The following ZBTB43 variants were observed in gnomAD, a reference collection of about 807,000 sequenced individuals.
ZBTB43 encodes zinc finger and BTB domain-containing protein 43.
In ZBTB43, 6 loss-of-function variants were observed where a neutral mutation model predicts 31.1. That is an observed-to-expected ratio of 0.19 (90% CI 0.11 to 0.38). ZBTB43 has a LOEUF of 0.38. Ranked by LOEUF, ZBTB43 falls within the 10% of genes least tolerant of loss-of-function variation. The pLI is 1.00. For missense variants in ZBTB43, 379 were observed against 602.1 expected (o/e 0.63, Z 3.88); for synonymous variants, 212 against 221.7 (o/e 0.96, Z 0.39).
intron 2 of ZBTB43, among the ~76,000 whole-genome samples, chr9:126,819,568 AC>A (rs2119135965): frequency 6.6e-6 from 1 of 151,980 alleles, no homozygotes; most frequent in African/African-American, 2.4e-5. Flanking sequence ...TACTCCACTG[AC>A]CCACCATTCC....
chr9:126,823,276 A>G (rs1446044459), intron 2 of ZBTB43, among the ~76,000 whole-genome samples: 2 of 152,050 alleles, frequency 1.3e-5, no homozygotes, highest in Non-Finnish European at 2.9e-5. Flanking sequence ...TACTTCATAT[A>G]TTTTAGAGTT....
rs558905564 is a variant in ZBTB43, at chr9:126,826,589, G to T, written c.-23-5898G>T. Among the ~76,000 whole-genome samples, 8 of 143,864 alleles carry T rather than the reference G, an allele frequency of 5.6e-5. No individual in the cohort carries two copies. The East Asian group carries it at 1.6e-3, about 28-fold the overall frequency. The allele number at this position is 143,864 out of a possible 152,430, so 94.4% of individuals were successfully genotyped here. A position where few individuals can be genotyped will look rare whatever the true frequency, so the allele number is the denominator to read the frequency against. On this transcript the variant is annotated intron_variant, in intron 2 of 2. Transcript: ENST00000373464. The stretch of plus-strand genomic sequence containing the variant: ...CGCCATTCTCCCACATCAGCCTCCC[G>T]AGTAGCTGGGACTACAGGCGCCCGC...
At chr9:126,804,471 GTTTT>G (rs61669496), upstream of ZBTB43, among the ~76,000 whole-genome samples, 2,521 of 151,354 alleles carry the variant, frequency 0.017, 73 homozygotes, top group African/African-American at 0.059. Context: ...AGGTCAAGGT[GTTTT>G]TGTTTGTTTT....
chr9:126,810,492 CG>C (rs2032221529), intron 2 of ZBTB43, among the ~76,000 whole-genome samples: 1 of 131,774 alleles, frequency 7.6e-6, no homozygotes, highest in Non-Finnish European at 1.6e-5. Flanking sequence ...TGTGCCCAGC[CG>C]TCTTTTTTTT....
At chr9:126,822,103 G>C (rs933661276) in intron 2 of ZBTB43, among the ~76,000 whole-genome samples, 1 of 151,330 alleles carries the variant, frequency 6.6e-6, no homozygotes. Context: ...GTGCTCGCCC[G>C]CCTGGGCCTC....
intron 2 of ZBTB43, among the ~76,000 whole-genome samples, chr9:126,819,546 GT>G (rs1307445015): frequency 8.6e-5 from 13 of 152,032 alleles, no homozygotes; most frequent in African/African-American, 3.1e-4. Flanking sequence ...GTCAATAAAT[GT>G]GTGTTCTGAC....
chr9:126,827,611 A>G (rs1344958279), intron 2 of ZBTB43, among the ~76,000 whole-genome samples: 1 of 152,236 alleles, frequency 6.6e-6, no homozygotes, highest in African/African-American at 2.4e-5. Context: ...GTATTGGTGG[A>G]GGAACCAACC....
chr9:126,826,483 A>G (rs2032642154), intron 2 of ZBTB43, among the ~76,000 whole-genome samples: 2 of 9,318 alleles, frequency 2.1e-4, no homozygotes, highest in African/African-American at 3.7e-4. Context: ...TTTTTTTTTG[A>G]GACAGAATCT....
intron 2 of ZBTB43, among the ~76,000 whole-genome samples, chr9:126,815,529 G>C (rs1046949561): frequency 3.3e-5 from 5 of 150,746 alleles, no homozygotes; most frequent in Non-Finnish European, 7.4e-5. Flanking sequence ...TTTATTTTGG[G>C]TAAGTTTTTG....
At chr9:126,810,224 C>T (rs1208504110) in intron 2 of ZBTB43, among the ~76,000 whole-genome samples, 5 of 151,600 alleles carry the variant, frequency 3.3e-5, no homozygotes, top group East Asian at 3.9e-4. Flanking sequence ...GATGGAGTCT[C>T]GCTCTTGTTG....
rs1313821017 is a variant in ZBTB43 at position 126,838,143 on chromosome 9, C to T, written c.*4230C>T. The T allele has an allele frequency of 6.0e-6, 1 of 165,910 alleles. No homozygotes were observed. The highest frequency in any genetic ancestry group is 1.5e-5 in the Non-Finnish European group (1 of 68,102). 10.3% of individuals were successfully genotyped at this position (165,910 alleles called of 1,614,324 possible). A position where few individuals can be genotyped will look rare whatever the true frequency, so the allele number is the denominator to read the frequency against. On this transcript the variant is annotated 3_prime_UTR_variant, in exon 3 of 3. Coordinates refer to ENST00000373464, the MANE Select transcript of ZBTB43 (RefSeq NM_014007.4). ...GAATGTTAATGTTTAATATTTTCTT[C>T]TTATAGAAGAGATCATGCCCTTTTG...
At chr9:126,826,038 A>G (rs2032627302) in intron 2 of ZBTB43, among the ~76,000 whole-genome samples, 3 of 125,128 alleles carry the variant, frequency 2.4e-5, no homozygotes, top group South Asian at 2.6e-4. Flanking sequence ...TTTGAGATGA[A>G]GTTTCGCTCT....
At chr9:126,830,216 T>TG (rs1422947919) in intron 2 of ZBTB43, among the ~76,000 whole-genome samples, 3 of 152,148 alleles carry the variant, frequency 2.0e-5, no homozygotes, top group Non-Finnish European at 4.4e-5. Context: ...AAAGATTAAG[T>TG]GGGAAAAAAG....
intron 2 of ZBTB43, among the ~76,000 whole-genome samples, chr9:126,827,000 C>T (rs1430962969): frequency 1.3e-5 from 2 of 152,184 alleles, no homozygotes; most frequent in Non-Finnish European, 2.9e-5. Flanking sequence ...GAGAACTGGA[C>T]ATTTGGAGTA....
chr9:126,817,048 G>T (rs1052868140), intron 2 of ZBTB43, among the ~76,000 whole-genome samples: 83 of 150,436 alleles, frequency 5.5e-4, no homozygotes, highest in African/African-American at 1.9e-3. Context: ...GGAATAGGAC[G>T]TGGAGTTTCA....
At position 126,837,276 on chromosome 9, in the gene ZBTB43, C is replaced by G. The variant is rs1014722579; in HGVS notation, c.*3363C>G. 3.6e-5 allele frequency: 6 copies of G among 167,088 alleles called. No homozygotes were observed. The highest frequency in any genetic ancestry group is 2.0e-4 in the Admixed American group (3 of 15,278). 10.4% of individuals were successfully genotyped at this position (167,088 alleles called of 1,614,324 possible). A position where few individuals can be genotyped will look rare whatever the true frequency, so the allele number is the denominator to read the frequency against. On this transcript the variant is annotated 3_prime_UTR_variant, in exon 3 of 3. Transcript: ENST00000373464. ...GCTCCAGGCCCCCAGCCTGTTGATT[C>G]CGATTTCTAGGTCTCATCTTCCTCT... is the stretch of plus-strand genomic sequence containing the variant.
chr9:126,820,967 CAAAAA>C (rs36023653), intron 2 of ZBTB43, among the ~76,000 whole-genome samples: 75 of 83,474 alleles, frequency 9.0e-4, no homozygotes, highest in African/African-American at 3.9e-3. Context: ...ACCCCCATCT[CAAAAA>C]AAAAAAAAAA....
rs1488848620 is a variant in ZBTB43, at chr9:126,834,084, C to T, written c.*171C>T. On this transcript the variant is annotated 3_prime_UTR_variant, in exon 3 of 3. Coordinates refer to ENST00000373464, the MANE Select transcript of ZBTB43 (RefSeq NM_014007.4). ...GTAGGCCAATTAAAAAAATCTAATT[C>T]CTCAAATTTGTGTGTTCCAGTCCTG... The T allele has an allele frequency of 5.2e-6, 4 of 762,922 alleles. No homozygotes were observed. Among genetic ancestry groups the T allele is most frequent in the Non-Finnish European group, 5.9e-6 (3 of 509,908 alleles). 47.3% of individuals were successfully genotyped at this position (762,922 alleles called of 1,614,324 possible). A position where few individuals can be genotyped will look rare whatever the true frequency, so the allele number is the denominator to read the frequency against.
chr9:126,815,199 TTTCAATATATAAAAC>T, intron 2 of ZBTB43, among the ~76,000 whole-genome samples: 1 of 147,736 alleles, frequency 6.8e-6, no homozygotes, highest in East Asian at 2.0e-4. Context: ...TATATATAGT[TTTCAATATATAAAAC>T]TATATATATA....
Sources: gnomAD v4.1 joint callset for allele counts (sites outside exome capture counted in the v4.1 genomes callset) on GRCh38, gnomAD v4.1.1 for gene constraint, MANE v1.5 for transcripts, NCBI Gene and HGNC (gene_info 2026-07-23, HGNC 2026-07-21) for gene names.